SUMF1: variants seen among roughly 807,000 people sequenced by gnomAD.
SUMF1 encodes the protein formylglycine-generating enzyme.
A neutral mutation model predicts 47.6 loss-of-function variants in SUMF1; 48 were observed. The ratio of observed to expected loss-of-function variants is 1.01; its 90% confidence interval spans 0.80 to 1.28. The LOEUF is 1.28. SUMF1 is among the 50% of genes most tolerant of loss of function. The pLI, the probability that SUMF1 is intolerant of heterozygous loss-of-function variation, is 0.00. For missense variants in SUMF1, 571 were observed against 485.4 expected, an observed-to-expected ratio of 1.18 and a Z score of -1.66; for synonymous variants, 230 against 192.1, an observed-to-expected ratio of 1.20 and a Z score of -1.63.
At chr3:4,106,275 C>T (rs1443014815) in intron 8 of SUMF1, among the ~76,000 whole-genome samples, 1 of 151,902 alleles carries the variant, frequency 6.6e-6, no homozygotes, top group African/African-American at 2.4e-5. Flanking sequence ...AAACATTGGC[C>T]TAAAGAAAAG....
At chr3:4,433,561 AACTCAG>A (rs1378880484) in intron 3 of SUMF1, among the ~76,000 whole-genome samples, 1 of 152,176 alleles carries the variant, frequency 6.6e-6, no homozygotes, top group Non-Finnish European at 1.5e-5. Context: ...CTTCCCGAAT[AACTCAG>A]TTACCGTGAA....
downstream of SUMF1, among the ~76,000 whole-genome samples, chr3:4,357,908 C>G (rs566294165): frequency 5.3e-5 from 8 of 152,074 alleles, no homozygotes; most frequent in Admixed American, 3.9e-4. Flanking sequence ...GTGCCTGGCC[C>G]CGACCAACTC....
At chr3:4,122,152 T>C (rs754527967) in intron 8 of SUMF1, among the ~76,000 whole-genome samples, 4 of 152,024 alleles carry the variant, frequency 2.6e-5, no homozygotes, top group Non-Finnish European at 5.9e-5. Flanking sequence ...GTCTTTGCTA[T>C]GGTGAATACA....
chr3:4,109,086 T>C (rs977905296), intron 8 of SUMF1, among the ~76,000 whole-genome samples: 2 of 152,160 alleles, frequency 1.3e-5, no homozygotes, highest in Non-Finnish European at 2.9e-5. Context: ...TCATGTTTAG[T>C]GCTTCCTTCA....
intron 8 of SUMF1, among the ~76,000 whole-genome samples, chr3:4,239,612 A>G (rs1364787569): frequency 6.6e-6 from 1 of 152,166 alleles, no homozygotes; most frequent in Non-Finnish European, 1.5e-5. Context: ...ATTTCTGCAC[A>G]TTGATTTTGT....
intron 7 of SUMF1, among the ~76,000 whole-genome samples, chr3:4,394,428 G>A (rs1424620516): frequency 6.6e-6 from 1 of 152,042 alleles, no homozygotes; most frequent in African/African-American, 2.4e-5. Context: ...AAAGTGTTGG[G>A]ATTATAGGCA....
chr3:4,111,656 T>C (rs1024948448), intron 8 of SUMF1, among the ~76,000 whole-genome samples: 1 of 151,894 alleles, frequency 6.6e-6, no homozygotes, highest in Non-Finnish European at 1.5e-5. Context: ...AGACAATCGA[T>C]TGAACCCAGG....
At position 4,039,700 on chromosome 3, in the gene SUMF1, T is replaced by C. The variant is rs556656703; in HGVS notation, c.1191+28869A>G. ...AGAAAGCTCAATATTCTAAAAACAA[T>C]AGGTCCTAATGACTATAGTTAATTA... On this transcript the variant is annotated intron_variant and NMD_transcript_variant, in intron 9 of 12. Transcript: ENST00000448413. Among the ~76,000 whole-genome samples, 4 of 152,176 alleles carry C rather than the reference T, an allele frequency of 2.6e-5. No homozygotes were observed. In the East Asian group the frequency reaches 5.8e-4, roughly 22 times the overall value.
chr3:4,376,498 T>G, intron 7 of SUMF1, 109 bp from the exon 8 acceptor site: 1 of 1,125,106 alleles, frequency 8.9e-7, no homozygotes. Flanking sequence ...TTGCCTAAAC[T>G]CTCCACATGC....
chr3:4,280,222 T>G (rs563961685), intron 8 of SUMF1, among the ~76,000 whole-genome samples: 123 of 152,254 alleles, frequency 8.1e-4, no homozygotes, highest in Non-Finnish European at 1.4e-3. Flanking sequence ...CAATTAAAAA[T>G]TAAAATGTTT....
chr3:4,174,483 C>A (rs763025525), intron 8 of SUMF1, among the ~76,000 whole-genome samples: 7 of 151,938 alleles, frequency 4.6e-5, no homozygotes, highest in African/African-American at 9.7e-5. Context: ...GCAAGCAAAT[C>A]ACTTCAGCTC....
chr3:4,367,781 A>G (rs7428371), intron 8 of SUMF1, among the ~76,000 whole-genome samples: 92,846 of 151,228 alleles, frequency 0.61, 29,005 homozygotes, highest in East Asian at 0.76. Context: ...CTGGCTAGCC[A>G]TATGTAGAAA....
At chr3:4,090,824 C>T (rs1051998348) in intron 8 of SUMF1, among the ~76,000 whole-genome samples, 1 of 152,012 alleles carries the variant, frequency 6.6e-6, no homozygotes, top group Non-Finnish European at 1.5e-5. Flanking sequence ...ATACATAGTT[C>T]ACATTTATTT....
At chr3:4,212,392 A>T (rs1695819312) in intron 8 of SUMF1, among the ~76,000 whole-genome samples, 1 of 152,074 alleles carries the variant, frequency 6.6e-6, no homozygotes, top group Admixed American at 6.6e-5. Flanking sequence ...CGTCCACTCA[A>T]AGACCCTATC....
intron 8 of SUMF1, among the ~76,000 whole-genome samples, chr3:4,179,865 C>A (rs1292554904): frequency 6.6e-6 from 1 of 152,186 alleles, no homozygotes; most frequent in East Asian, 1.9e-4. Flanking sequence ...CAAACAACCC[C>A]ATCAAAAAGT....
intron 8 of SUMF1, among the ~76,000 whole-genome samples, chr3:4,366,965 A>C (rs1699984970): frequency 6.6e-6 from 1 of 151,970 alleles, no homozygotes; most frequent in Admixed American, 6.6e-5. Context: ...GGTCTGTTGG[A>C]GTTTGCTAGA....
chr3:4,073,074 G>A (rs1198999389), intron 8 of SUMF1, among the ~76,000 whole-genome samples: 1 of 152,166 alleles, frequency 6.6e-6, no homozygotes, highest in Non-Finnish European at 1.5e-5. Flanking sequence ...AATGTTAACG[G>A]CAGCCAGAGA....
intron 8 of SUMF1, among the ~76,000 whole-genome samples, chr3:4,112,743 A>T (rs1012610224): frequency 6.6e-6 from 1 of 152,132 alleles, no homozygotes; most frequent in Non-Finnish European, 1.5e-5. Context: ...TGGAGAAAGC[A>T]AACAGCAAAC....
At chr3:4,352,012 T>C (rs1405409169) in intron 8 of SUMF1, among the ~76,000 whole-genome samples, 1 of 152,154 alleles carries the variant, frequency 6.6e-6, no homozygotes, top group African/African-American at 2.4e-5. Flanking sequence ...CCAGACAGTC[T>C]GGCTCCAGAG....
Sources: gnomAD v4.1 joint callset for allele counts (sites outside exome capture counted in the v4.1 genomes callset) on GRCh38, gnomAD v4.1.1 for gene constraint, MANE v1.5 for transcripts, NCBI Gene and HGNC (gene_info 2026-07-23, HGNC 2026-07-21) for gene names.